The following LAMA3 variants were observed in gnomAD, a reference collection of about 807,000 sequenced individuals.
LAMA3 encodes the protein laminin subunit alpha 3, also known as laminin subunit alpha-3.
In LAMA3, 281 loss-of-function variants were observed where a neutral mutation model predicts 402.0. The observed-to-expected ratio is 0.70, with a 90% confidence interval of 0.63 to 0.77. The LOEUF (loss-of-function observed/expected upper bound fraction) is 0.77, where lower values mean the gene tolerates loss of function less well. Among genes scored for constraint, LAMA3 ranks in the 30% least tolerant of loss-of-function variants. The pLI is 0.00. For missense variants in LAMA3, 3,840 were observed against 4,215.5 expected (o/e 0.91, Z 2.47); for synonymous variants, 1,431 against 1,558.4 (o/e 0.92, Z 1.93).
intron 51 of LAMA3, 116 bp from the exon 52 acceptor site, chr18:23,905,406 C>CT (rs1363040893): frequency 1.5e-6 from 1 of 682,916 alleles, no homozygotes; most frequent in Non-Finnish European, 2.7e-6. Flanking sequence ...GTTATAACTC[C>CT]TTCCCCCTTT....
At chr18:23,830,531 G>A (rs921996984) in intron 23 of LAMA3, among the ~76,000 whole-genome samples, 13 of 152,244 alleles carry the variant, frequency 8.5e-5, no homozygotes, top group Admixed American at 1.3e-4. Flanking sequence ...AGTCCTCATC[G>A]GTTTAACTTC....
At chr18:23,920,823 G>A in intron 60 of LAMA3, 112 bp from the exon 61 acceptor site, 7 of 1,290,092 alleles carry the variant, frequency 5.4e-6, no homozygotes, top group Non-Finnish European at 7.8e-6. Context: ...TTTTCACTGA[G>A]GCAGCAGCTG....
At chr18:23,867,774 T>C in intron 36 of LAMA3, 60 bp from the exon 37 acceptor site, 2 of 1,281,388 alleles carry the variant, frequency 1.6e-6, no homozygotes, top group South Asian at 2.4e-5. Context: ...CTTAGATCAG[T>C]TATAAATCTT....
chr18:23,743,612 G>A (rs911080145), intron 2 of LAMA3, among the ~76,000 whole-genome samples: 2 of 152,218 alleles, frequency 1.3e-5, no homozygotes, highest in Non-Finnish European at 1.5e-5. Flanking sequence ...ACACCCTCTT[G>A]TCTTCCCTAC....
intron 31 of LAMA3, 125 bp from the exon 32 acceptor site, chr18:23,847,339 T>C: frequency 9.7e-7 from 1 of 1,025,674 alleles, no homozygotes; most frequent in South Asian, 1.4e-5. Context: ...GAAATGGGCC[T>C]TTCAGATCCA....
intron 12 of LAMA3, among the ~76,000 whole-genome samples, chr18:23,788,162 T>C (rs2062582746): frequency 6.6e-6 from 1 of 151,982 alleles, no homozygotes; most frequent in Non-Finnish European, 1.5e-5. Context: ...AATATATGCT[T>C]GATCTCCTTT....
chr18:23,802,945 T>A (rs771209800), intron 12 of LAMA3, among the ~76,000 whole-genome samples: 1 of 152,146 alleles, frequency 6.6e-6, no homozygotes, highest in Non-Finnish European at 1.5e-5. Context: ...AAAAGGCCAT[T>A]CCACTGTTGT....
In LAMA3 at chr18:23,939,233, A is replaced by G. The variant is rs1225015105; in HGVS notation, c.8873A>G (p.Asp2958Gly). 7 of 1,613,930 alleles carry G rather than the reference A, an allele frequency of 4.3e-6. No homozygotes were observed. The Admixed American group carries it at 1.2e-4, about 27-fold the overall frequency. Residue 2958 changes from aspartate to glycine, a missense_variant, in exon 68 of 75, where the codon GAC becomes GGC. By Grantham distance (94) the Asp-to-Gly change is moderately conservative. This residue lies in a region of LAMA3 where 840 missense variants were observed against 981.9 expected (regional missense o/e 0.86). Transcript: ENST00000313654. ...KTFRINQLLQDTPVASPRSVK... is the reference protein window; with the variant it reads ...KTFRINQLLQGTPVASPRSVK... ...TCTTTTCCCATGCAGCTGTTGCAGG[A>G]CACACCAGTGGCCTCCCCAAGGAGC...
chr18:23,709,002 G>C lies in LAMA3; in HGVS notation c.295-4918G>C, dbSNP rs948706687. Among the ~76,000 whole-genome samples, 77 of 151,692 alleles carry C rather than the reference G, an allele frequency of 5.1e-4. 4 individuals are homozygous for C. ...ACTCCTGGCCTCAAGTGATCCTCCTGCCTCAGCCTCCCAAAGTGCTGGGAT... is the reference window on the plus strand; with the variant it reads ...ACTCCTGGCCTCAAGTGATCCTCCTCCCTCAGCCTCCCAAAGTGCTGGGAT... On this transcript the variant is annotated intron_variant, in intron 1 of 74. Coordinates refer to ENST00000313654, the MANE Select transcript of LAMA3 (RefSeq NM_198129.4).
At chr18:23,947,329 C>T (rs2145537188) in intron 70 of LAMA3, among the ~76,000 whole-genome samples, 1 of 152,310 alleles carries the variant, frequency 6.6e-6, no homozygotes, top group East Asian at 1.9e-4. Context: ...TAAGATGAGC[C>T]TATCAACAGC....
chr18:23,735,047 G>C (rs1443037416), intron 2 of LAMA3, among the ~76,000 whole-genome samples: 1 of 152,226 alleles, frequency 6.6e-6, no homozygotes, highest in East Asian at 1.9e-4. Context: ...TAGCTAACAA[G>C]AGTGAGTTAA....
At chr18:23,833,151 A>G (rs2063517975) in intron 23 of LAMA3, among the ~76,000 whole-genome samples, 1 of 152,198 alleles carries the variant, frequency 6.6e-6, no homozygotes, top group Non-Finnish European at 1.5e-5. Flanking sequence ...CTGTAAAGGG[A>G]CAGATAGTAA....
Position 23,838,804 on chromosome 18 carries a change from T to G in LAMA3, c.3117T>G (p.Ile1039Met). 1 of 1,609,830 alleles carries G rather than the reference T, an allele frequency of 6.2e-7. No individual in the cohort carries two copies. Among genetic ancestry groups the G allele is most frequent in the Non-Finnish European group, 8.5e-7 (1 of 1,176,036 alleles). The stretch of plus-strand genomic sequence containing the variant: ...AGCATCAAGTTTGTATCATACCTAT[T>G]GAAGAATTCTCAGCTGAGTATGTGA... ...FLLHQVCIIP[I>M]EEFSAEYVRP... The change falls in exon 26 of 75, where the codon ATT becomes ATG. Residue 1039 changes from isoleucine to methionine, a missense_variant. Coordinates refer to ENST00000313654, the MANE Select transcript of LAMA3 (RefSeq NM_198129.4).
At chr18:23,952,068 T>TTG (rs2082937230) in intron 73 of LAMA3, among the ~76,000 whole-genome samples, 1 of 152,230 alleles carries the variant, frequency 6.6e-6, no homozygotes, top group Non-Finnish European at 1.5e-5. Flanking sequence ...TAGTATAACG[T>TTG]TGTGATTTAG....
intron 2 of LAMA3, among the ~76,000 whole-genome samples, chr18:23,740,607 A>AT (rs2061546092): frequency 2.0e-5 from 3 of 151,942 alleles, no homozygotes; most frequent in Non-Finnish European, 4.4e-5. Flanking sequence ...TTGAATCTCG[A>AT]TTTTTTTAAA....
At chr18:23,868,066 C>A in intron 37 of LAMA3, 149 bp downstream of exon 37, 1 of 709,338 alleles carries the variant, frequency 1.4e-6, no homozygotes, top group Non-Finnish European at 2.3e-6. Flanking sequence ...CATCCTTAAT[C>A]TGAAAATCCA....
intron 32 of LAMA3, among the ~76,000 whole-genome samples, chr18:23,856,302 T>C (rs1052189083): frequency 2.0e-5 from 3 of 152,222 alleles, no homozygotes; most frequent in African/African-American, 7.2e-5. Flanking sequence ...TTTAACTTTT[T>C]TAGGATGGTC....
chr18:23,841,976 G>A (rs2063712179), intron 27 of LAMA3, among the ~76,000 whole-genome samples: 1 of 152,064 alleles, frequency 6.6e-6, no homozygotes. Context: ...GCATAGCACA[G>A]TTATGAACAT....
intron 26 of LAMA3, 68 bp downstream of exon 26, chr18:23,838,946 A>T (rs1335777699): frequency 2.1e-6 from 2 of 931,244 alleles, no homozygotes; most frequent in Non-Finnish European, 3.6e-6. Context: ...TAAGGCTGAA[A>T]CTTTATACTC....
Sources: gnomAD v4.1 joint callset for allele counts (sites outside exome capture counted in the v4.1 genomes callset) on GRCh38, gnomAD v4.1.1 for gene constraint, gnomAD v4.1.1 regional missense constraint, MANE v1.5 for transcripts, NCBI Gene and HGNC (gene_info 2026-07-23, HGNC 2026-07-21) for gene names.